The following RIMS1 variants were observed in gnomAD, a reference collection of about 807,000 sequenced individuals.
The protein encoded by RIMS1 is regulating synaptic membrane exocytosis protein 1.
In RIMS1, 83 loss-of-function variants were observed where a neutral mutation model predicts 214.1. The observed-to-expected ratio is 0.39, with a 90% CI of 0.32 to 0.47. The LOEUF (loss-of-function observed/expected upper bound fraction) is 0.47. Among genes scored for constraint, RIMS1 ranks in the 20% least tolerant of loss-of-function variants. RIMS1 has a pLI of 0.99. For synonymous variants in RIMS1, 793 were observed against 786.8 expected (o/e 1.01, Z -0.13); for missense variants, 2,050 against 2,161.8 (o/e 0.95, Z 1.03).
intron 29 of RIMS1, among the ~76,000 whole-genome samples, chr6:72,371,627 C>T (rs2098223324): frequency 6.6e-6 from 1 of 152,136 alleles, no homozygotes; most frequent in African/African-American, 2.4e-5. Flanking sequence ...CAGTTGAAGG[C>T]CAGAGTTAGG....
chr6:71,976,885 T>A (rs1797279487), intron 2 of RIMS1, among the ~76,000 whole-genome samples: 1 of 152,156 alleles, frequency 6.6e-6, no homozygotes, highest in South Asian at 2.1e-4. Flanking sequence ...ACATCTCAGA[T>A]TTATGTCTTA....
intron 28 of RIMS1, among the ~76,000 whole-genome samples, chr6:72,331,275 TAG>T (rs2096649872): frequency 6.6e-6 from 1 of 151,810 alleles, no homozygotes; most frequent in African/African-American, 2.4e-5. Context: ...CAAGCTGTAA[TAG>T]AATTCCATCT....
chr6:72,181,954 T>G (rs1260211517), intron 5 of RIMS1, among the ~76,000 whole-genome samples: 1 of 152,204 alleles, frequency 6.6e-6, no homozygotes, highest in Non-Finnish European at 1.5e-5. Context: ...CACATGAACC[T>G]TGCAAGGTAA....
Position 72,368,363 on chromosome 6 carries a change from G to T in RIMS1, c.4367-22235G>T, listed in dbSNP as rs1281984241. ...GTCACCCAGGCTGGAGTGCAGTGGC[G>T]CAATCTCGGCTCACTGTAAGCTCCG... is the stretch of plus-strand genomic sequence containing the variant. On this transcript the variant is annotated intron_variant, in intron 29 of 33. Coordinates refer to ENST00000521978, the MANE Select transcript of RIMS1 (RefSeq NM_014989.7). Among the ~76,000 whole-genome samples the T allele has an allele frequency of 4.9e-5, 7 of 141,778 alleles. No homozygotes were observed. In the South Asian group the frequency reaches 1.4e-3, roughly 28 times the overall value. The allele number at this position is 141,778 out of a possible 152,430, so 93.0% of individuals were successfully genotyped here. A position where few individuals can be genotyped will look rare whatever the true frequency, so the allele number is the denominator to read the frequency against.
chr6:71,979,695 T>G (rs1278558366), intron 2 of RIMS1, among the ~76,000 whole-genome samples: 1 of 152,124 alleles, frequency 6.6e-6, no homozygotes, highest in Non-Finnish European at 1.5e-5. Context: ...GGGAATGATG[T>G]AAAAATGCAT....
At chr6:72,283,383 C>CT (rs2091071219) in intron 23 of RIMS1, among the ~76,000 whole-genome samples, 1 of 151,958 alleles carries the variant, frequency 6.6e-6, no homozygotes, top group Non-Finnish European at 1.5e-5. Context: ...CACATATGTA[C>CT]TTTTAAAAAG....
intron 2 of RIMS1, among the ~76,000 whole-genome samples, chr6:71,993,643 A>G (rs1739836907): frequency 6.6e-6 from 1 of 152,226 alleles, no homozygotes; most frequent in Non-Finnish European, 1.5e-5. Context: ...CCAGGTGAAC[A>G]TGTCCACTCA....
chr6:72,272,241 A>C (rs2154189718), intron 22 of RIMS1, among the ~76,000 whole-genome samples: 1 of 152,300 alleles, frequency 6.6e-6, no homozygotes, highest in South Asian at 2.1e-4. Flanking sequence ...TAAAGATTCT[A>C]ATTTTGGTCA....
At chr6:72,107,162 G>A (rs1232453978) in intron 4 of RIMS1, among the ~76,000 whole-genome samples, 2 of 152,140 alleles carry the variant, frequency 1.3e-5, no homozygotes, top group African/African-American at 4.8e-5. Context: ...ATTTTAATGT[G>A]TGAGTTTCTG....
intron 9 of RIMS1, among the ~76,000 whole-genome samples, chr6:72,239,483 T>A (rs1162921098): frequency 6.6e-6 from 1 of 152,218 alleles, no homozygotes; most frequent in African/African-American, 2.4e-5. Flanking sequence ...ATATCCTATT[T>A]GATTTACATT....
At chr6:71,933,826 A>G (rs1366038823) in intron 1 of RIMS1, among the ~76,000 whole-genome samples, 1 of 152,156 alleles carries the variant, frequency 6.6e-6, no homozygotes, top group East Asian at 1.9e-4. Flanking sequence ...ATACCATCCA[A>G]TTACTATCCA....
chr6:72,120,062 AT>A, intron 4 of RIMS1, among the ~76,000 whole-genome samples: 1 of 152,030 alleles, frequency 6.6e-6, no homozygotes, highest in Non-Finnish European at 1.5e-5. Context: ...ATTGATGGAC[AT>A]TTGGGTCGGT....
chr6:72,160,645 G>A (rs2045246735), intron 4 of RIMS1, among the ~76,000 whole-genome samples: 1 of 140,818 alleles, frequency 7.1e-6, no homozygotes, highest in Non-Finnish European at 1.6e-5. Context: ...AGATAATCTT[G>A]TGGTTTTGTC....
chr6:72,285,110 G>A (rs2091838614), intron 24 of RIMS1, among the ~76,000 whole-genome samples: 2 of 152,080 alleles, frequency 1.3e-5, no homozygotes, highest in East Asian at 3.9e-4. Context: ...ATTCTGAGAG[G>A]TTAAATGAAT....
chr6:72,202,188 A>T (rs1485059783), intron 6 of RIMS1, among the ~76,000 whole-genome samples: 3 of 152,210 alleles, frequency 2.0e-5, no homozygotes, highest in African/African-American at 7.2e-5. Flanking sequence ...ACCACATGAG[A>T]TAATAATTGT....
intron 4 of RIMS1, among the ~76,000 whole-genome samples, chr6:72,177,694 T>C (rs541040710): frequency 2.0e-5 from 3 of 152,314 alleles, no homozygotes; most frequent in Admixed American, 1.3e-4. Flanking sequence ...ACTTTCTTAT[T>C]ATGGTCTGTC....
chr6:72,192,918 C>T (rs2050290959), intron 6 of RIMS1, among the ~76,000 whole-genome samples: 1 of 152,182 alleles, frequency 6.6e-6, no homozygotes, highest in African/African-American at 2.4e-5. Flanking sequence ...AAATGTTAAT[C>T]TCCTTTGGCA....
chr6:71,946,509 A>T (rs1377459983), intron 1 of RIMS1, among the ~76,000 whole-genome samples: 2 of 152,202 alleles, frequency 1.3e-5, no homozygotes, highest in Non-Finnish European at 2.9e-5. Flanking sequence ...TTTGACAAAG[A>T]TGCTAAGAAC....
At chr6:72,135,056 A>G (rs1272238520) in intron 4 of RIMS1, among the ~76,000 whole-genome samples, 3 of 152,188 alleles carry the variant, frequency 2.0e-5, no homozygotes, top group Non-Finnish European at 4.4e-5. Context: ...AAAATGCTGC[A>G]TAGAACACAT....
Sources: gnomAD v4.1 joint callset for allele counts (sites outside exome capture counted in the v4.1 genomes callset) on GRCh38, gnomAD v4.1.1 for gene constraint, MANE v1.5 for transcripts, NCBI Gene and HGNC (gene_info 2026-07-23, HGNC 2026-07-21) for gene names.